The following GGACT variants were observed in gnomAD, a reference collection of about 807,000 sequenced individuals.
GGACT encodes the protein gamma-glutamylamine cyclotransferase, also known as gamma-glutamylaminecyclotransferase.
For synonymous variants in GGACT, 118 were observed against 115.3 expected (o/e 1.02, Z -0.15); for missense variants, 241 against 233.2 (o/e 1.03, Z -0.22).
chr13:100,552,205 A>G (rs1019672343), intron 2 of GGACT, among the ~76,000 whole-genome samples: 1 of 152,230 alleles, frequency 6.6e-6, no homozygotes, highest in Non-Finnish European at 1.5e-5. Flanking sequence ...CTCTCCAGGA[A>G]CTGATTTTGT....
rs2088465057 is a variant in GGACT at position 100,534,636 on chromosome 13, T to C, written c.-10-2035A>G. On this transcript the variant is annotated intron_variant, in intron 2 of 2. Transcript: ENST00000683975. This position sits in a 1 kb window ranked among gnomAD's most constrained non-coding sequence, Gnocchi z 4.9. ...GTTTGGATCCTGCTGTGCAGCTGCC[T>C]TGGGGACTCAGCATTTGGAAGGATT... Among the ~76,000 whole-genome samples, 1 of 152,106 alleles carries C rather than the reference T, an allele frequency of 6.6e-6. No individual in the cohort carries two copies. The highest frequency in any genetic ancestry group is 2.4e-5 in the African/African-American group (1 of 41,404).
chr13:100,535,069 G>A (rs1425781705), intron 2 of GGACT, among the ~76,000 whole-genome samples: 1 of 152,208 alleles, frequency 6.6e-6, no homozygotes, highest in Non-Finnish European at 1.5e-5. Flanking sequence ...GTTTGGTCCA[G>A]CACCTGCAGG....
In GGACT at chr13:100,545,355, G is replaced by A. The variant is rs553277505; in HGVS notation, c.-10-12754C>T. 1.3e-5 allele frequency among the ~76,000 whole-genome samples: 2 copies of A among 152,298 alleles called. No individual in the cohort carries two copies. The highest frequency in any genetic ancestry group is 1.5e-5 in the Non-Finnish European group (1 of 68,014). ...AGAGGTGAAGTGACTCACACACAAG[G>A]CGACCCAGGCAAGGGCAGCAGAGCC... On this transcript the variant is annotated intron_variant, in intron 2 of 2. Transcript: ENST00000683975. The surrounding 1 kb of genome is among the most constrained non-coding windows in gnomAD (Gnocchi z 4.4).
At chr13:100,569,519 C>T (rs4772308) in intron 2 of GGACT, among the ~76,000 whole-genome samples, 81,145 of 152,116 alleles carry the variant, frequency 0.53, 22,008 homozygotes, top group South Asian at 0.73. Flanking sequence ...GGCTGCATAG[C>T]GCATGTGGGC....
intron 1 of GGACT, among the ~76,000 whole-genome samples, chr13:100,584,555 G>A (rs1284826525): frequency 6.6e-6 from 1 of 152,124 alleles, no homozygotes; most frequent in Non-Finnish European, 1.5e-5. Flanking sequence ...ATAAGATCTA[G>A]TATTTGATAG....
Position 100,570,302 on chromosome 13 carries a change from G to A in GGACT, c.-11+13523C>T, listed in dbSNP as rs548236844. ...ATTTATAAAAGGAAGAGGTTTAATC[G>A]ACTCGTGTTCAGCATAGCTGAGGAG... On this transcript the variant is annotated intron_variant, in intron 2 of 2. Transcript: ENST00000683975. Among the ~76,000 whole-genome samples the A allele has an allele frequency of 7.9e-5, 12 of 152,236 alleles. No individual in the cohort carries two copies. In the East Asian group the frequency reaches 9.7e-4, roughly 12 times the overall value.
chr13:100,560,036 G>A (rs925766983), intron 2 of GGACT, among the ~76,000 whole-genome samples: 4 of 152,120 alleles, frequency 2.6e-5, no homozygotes, highest in Admixed American at 2.0e-4. Context: ...CATTAGATCC[G>A]GGTAGATCCA....
intron 2 of GGACT, among the ~76,000 whole-genome samples, chr13:100,581,624 A>G (rs1354860256): frequency 6.6e-6 from 1 of 152,226 alleles, no homozygotes; most frequent in East Asian, 1.9e-4. Context: ...CCCCTTAAGG[A>G]GATGAAGCCT....
intron 1 of GGACT, among the ~76,000 whole-genome samples, chr13:100,585,822 CAAAAAAAA>C (rs550006144): frequency 9.2e-3 from 272 of 29,528 alleles, no homozygotes; most frequent in Non-Finnish European, 0.019. Context: ...CTGTCTCCAC[CAAAAAAAA>C]AAAAAAAAAA....
intron 2 of GGACT, chr13:100,536,108 C>T (rs752530484): frequency 5.3e-5 from 8 of 152,250 alleles, no homozygotes; most frequent in Non-Finnish European, 7.3e-5. Flanking sequence ...TGTCTTCTAA[C>T]TTTCCGAGTT....
intron 2 of GGACT, among the ~76,000 whole-genome samples, chr13:100,560,508 G>A (rs1279859767): frequency 6.6e-6 from 1 of 152,204 alleles, no homozygotes; most frequent in Non-Finnish European, 1.5e-5. Flanking sequence ...CTTAACTCAA[G>A]TCTACTTCCA....
At chr13:100,552,510 A>G (rs1041431111) in intron 2 of GGACT, among the ~76,000 whole-genome samples, 3 of 152,186 alleles carry the variant, frequency 2.0e-5, no homozygotes, top group Admixed American at 6.5e-5. Flanking sequence ...TGAGATGTCA[A>G]GACGGTGACC....
chr13:100,586,188 C>T (rs1325469309), intron 1 of GGACT, among the ~76,000 whole-genome samples: 1 of 152,038 alleles, frequency 6.6e-6, no homozygotes, highest in Non-Finnish European at 1.5e-5. Flanking sequence ...AATGCCCTTT[C>T]TCTGGAGAAA....
chr13:100,568,907 T>C (rs1463976197), intron 2 of GGACT, among the ~76,000 whole-genome samples: 1 of 152,232 alleles, frequency 6.6e-6, no homozygotes, highest in Non-Finnish European at 1.5e-5. Context: ...CCCATGCAAG[T>C]CTGAAATCCA....
At chr13:100,532,737 GTTAC>G in intron 2 of GGACT, 136 bp from the exon 3 acceptor site, 2 of 645,348 alleles carry the variant, frequency 3.1e-6, no homozygotes, top group South Asian at 3.9e-5. Context: ...CAGATAAGGC[GTTAC>G]TTACCGACGC....
intron 2 of GGACT, among the ~76,000 whole-genome samples, chr13:100,554,841 G>C (rs973807879): frequency 6.6e-6 from 1 of 152,090 alleles, no homozygotes; most frequent in African/African-American, 2.4e-5. Context: ...AGAGAGAAAA[G>C]AAATCATCAG....
At position 100,531,866 on chromosome 13, in the gene GGACT, T is replaced by C. The variant is rs1262628881; in HGVS notation, c.*264A>G. 2.6e-6 allele frequency: 1 copy of C among 383,494 alleles called. No individual in the cohort carries two copies. The highest frequency in any genetic ancestry group is 3.8e-5 in the East Asian group (1 of 26,586). The allele number at this position is 383,494 out of a possible 1,614,324, so 23.8% of individuals were successfully genotyped here. ...GAAACAACACGAGGAGGAAGAAGAA[T>C]TAGGCATAACACGAGTTCTCTAAAT... is the stretch of plus-strand genomic sequence containing the variant. On this transcript the variant is annotated 3_prime_UTR_variant, in exon 3 of 3. Transcript: ENST00000683975.
At chr13:100,546,341 G>A (rs915729745) in intron 2 of GGACT, among the ~76,000 whole-genome samples, 21 of 129,346 alleles carry the variant, frequency 1.6e-4, no homozygotes, top group Admixed American at 3.6e-4. Flanking sequence ...CAGCCTGGGC[G>A]ACAGGGCAAG....
chr13:100,573,096 A>G (rs1875135589), intron 2 of GGACT, among the ~76,000 whole-genome samples: 1 of 152,328 alleles, frequency 6.6e-6, no homozygotes, highest in South Asian at 2.1e-4. Context: ...CCATATAGGT[A>G]GCAATCACAA....
Sources: allele counts gnomAD v4.1 joint callset (sites outside exome capture counted in the v4.1 genomes callset), GRCh38; gene constraint gnomAD v4.1.1; non-coding constraint Gnocchi (gnomAD v3.1); transcripts MANE v1.5; gene names NCBI Gene and HGNC (gene_info 2026-07-23, HGNC 2026-07-21).